Variants in ZDHHC14 observed in about 807,000 individuals in gnomAD.
The protein encoded by ZDHHC14 is zDHHC palmitoyltransferase 14, also known as palmitoyltransferase ZDHHC14.
ZDHHC14 carries 16 observed loss-of-function variants against 47.7 expected under a neutral mutation model. The observed-to-expected ratio is 0.34, with a 90% CI of 0.23 to 0.51. ZDHHC14 has a LOEUF of 0.51. Ranked by LOEUF, ZDHHC14 falls within the 20% of genes least tolerant of loss-of-function variation. The probability of loss-of-function intolerance (pLI) is 0.97; values close to 1 mark genes in which losing one functional copy is unlikely to be tolerated. For missense variants in ZDHHC14, 515 were observed against 662.5 expected, an observed-to-expected ratio of 0.78 and a Z score of 2.44; for synonymous variants, 293 against 278.9, an observed-to-expected ratio of 1.05 and a Z score of -0.50.
rs1227488590 is a variant in ZDHHC14 at position 157,677,256 on chromosome 6, A to AC, written c.*4134_*4135insC. 14 of 151,746 alleles carry AC rather than the reference A, an allele frequency of 9.2e-5. No homozygotes were observed. The highest frequency in any genetic ancestry group is 2.9e-4 in the African/African-American group (12 of 41,332). 9.4% of individuals were successfully genotyped at this position (151,746 alleles called of 1,614,324 possible). On this transcript the variant is annotated 3_prime_UTR_variant, in exon 9 of 9. Transcript: ENST00000359775. ...TACCTCATTTAAAAAAAAAAAAAAAAAAAAACTGCCTCTCATTTGTTCCCT... is the reference window on the plus strand; with the variant it reads ...TACCTCATTTAAAAAAAAAAAAAAAACAAAAACTGCCTCTCATTTGTTCCCT...
chr6:157,410,402 G>A (rs1232478381), intron 1 of ZDHHC14, among the ~76,000 whole-genome samples: 1 of 152,180 alleles, frequency 6.6e-6, no homozygotes, highest in Non-Finnish European at 1.5e-5. Context: ...TTGTTGCAGT[G>A]CATTTTGTAT....
chr6:157,432,766 C>T (rs1778363530), intron 1 of ZDHHC14, among the ~76,000 whole-genome samples: 1 of 152,186 alleles, frequency 6.6e-6, no homozygotes. Context: ...ACCACTGACA[C>T]GAGCCACCTG....
intron 2 of ZDHHC14, among the ~76,000 whole-genome samples, chr6:157,584,784 T>G (rs735755): frequency 0.28 from 41,946 of 152,080 alleles, 6,707 homozygotes; most frequent in African/African-American, 0.41. Context: ...TAACACTAGA[T>G]GTAAGTGCTG....
At chr6:157,672,449 C>T (rs1778838801) in intron 8 of ZDHHC14, among the ~76,000 whole-genome samples, 2 of 152,128 alleles carry the variant, frequency 1.3e-5, no homozygotes, top group South Asian at 4.2e-4. Context: ...GGAACCAAGA[C>T]CACTGGCTTC....
intron 2 of ZDHHC14, among the ~76,000 whole-genome samples, chr6:157,581,402 T>G (rs1304780673): frequency 6.6e-6 from 1 of 152,128 alleles, no homozygotes; most frequent in East Asian, 1.9e-4. Flanking sequence ...TCTCTTGTTT[T>G]GGGGTAGAGA....
chr6:157,529,191 G>T (rs1021716262), intron 1 of ZDHHC14: 3 of 154,784 alleles, frequency 1.9e-5, no homozygotes, highest in African/African-American at 7.2e-5. Context: ...CACTGACACT[G>T]CAGAAGTGGA....
intron 1 of ZDHHC14, among the ~76,000 whole-genome samples, chr6:157,458,753 A>C (rs17231874): frequency 0.22 from 34,010 of 151,800 alleles, 4,111 homozygotes; most frequent in African/African-American, 0.29. Flanking sequence ...AATCAAACAT[A>C]AACTCAATTA....
intron 2 of ZDHHC14, among the ~76,000 whole-genome samples, chr6:157,552,453 T>C (rs1241919440): frequency 2.6e-5 from 4 of 152,060 alleles, no homozygotes; most frequent in Admixed American, 2.0e-4. Context: ...AAAACCCCCC[T>C]GGAGGATGTT....
intron 1 of ZDHHC14, among the ~76,000 whole-genome samples, chr6:157,413,040 G>C (rs577259798): frequency 6.6e-6 from 1 of 152,336 alleles, no homozygotes; most frequent in African/African-American, 2.4e-5. Flanking sequence ...AGATTGAAGG[G>C]AGACTTCAGG....
chr6:157,567,399 C>T (rs956783409), intron 2 of ZDHHC14, among the ~76,000 whole-genome samples: 1 of 152,196 alleles, frequency 6.6e-6, no homozygotes, highest in African/African-American at 2.4e-5. Flanking sequence ...CCCCATTCCT[C>T]ACTCTAAGCA....
chr6:157,423,191 A>G (rs543788351), intron 1 of ZDHHC14, among the ~76,000 whole-genome samples: 3 of 152,280 alleles, frequency 2.0e-5, no homozygotes, highest in South Asian at 4.1e-4. Context: ...CTGACTTTTC[A>G]TGTGACTTTA....
intron 1 of ZDHHC14, among the ~76,000 whole-genome samples, chr6:157,393,197 G>A (rs901008244): frequency 8.5e-5 from 13 of 152,128 alleles, no homozygotes; most frequent in Admixed American, 6.5e-5. Flanking sequence ...AACAACTTAA[G>A]CACACTTTAG....
rs1360536642 is a variant in ZDHHC14 at position 157,619,712 on chromosome 6, TTG to T, written c.566-8635_566-8634del. ...CACTGAAATGTTTTAGTTTTAGGGT[TTG>T]TTTTTTTTTTTTAACAAATGGAGCT... On this transcript the variant is annotated intron_variant, in intron 3 of 8. Coordinates refer to ENST00000359775, the MANE Select transcript of ZDHHC14 (RefSeq NM_024630.3). Among the ~76,000 whole-genome samples the T allele has an allele frequency of 1.3e-3, 169 of 130,000 alleles. 2 individuals are homozygous for T. Among genetic ancestry groups the T allele is most frequent in the Admixed American group, 2.6e-3 (35 of 13,248 alleles). 85.3% of individuals were successfully genotyped at this position (130,000 alleles called of 152,430 possible). A position where few individuals can be genotyped will look rare whatever the true frequency, so the allele number is the denominator to read the frequency against.
chr6:157,574,873 C>G (rs561771892), intron 2 of ZDHHC14, among the ~76,000 whole-genome samples: 159 of 152,276 alleles, frequency 1.0e-3, no homozygotes, highest in Non-Finnish European at 1.8e-3. Context: ...AATTGCCTAC[C>G]TGATCACTTT....
At chr6:157,588,217 C>T (rs141244449) in intron 2 of ZDHHC14, among the ~76,000 whole-genome samples, 9,248 of 152,034 alleles carry the variant, frequency 0.061, 413 homozygotes, top group African/African-American at 0.12. Flanking sequence ...GCCAAGATCA[C>T]GCCACTGCAC....
intron 1 of ZDHHC14, among the ~76,000 whole-genome samples, chr6:157,474,616 G>A (rs1258644079): frequency 6.6e-6 from 1 of 152,192 alleles, no homozygotes; most frequent in Non-Finnish European, 1.5e-5. Context: ...TAACAAGTGT[G>A]AGGTGATATC....
At chr6:157,598,042 C>T (rs1435478684) in intron 3 of ZDHHC14, among the ~76,000 whole-genome samples, 1 of 152,244 alleles carries the variant, frequency 6.6e-6, no homozygotes, top group Non-Finnish European at 1.5e-5. Flanking sequence ...ACTCTGCCTT[C>T]TGTCCCACAG....
intron 8 of ZDHHC14, among the ~76,000 whole-genome samples, chr6:157,654,789 G>C (rs148524793): frequency 0.014 from 2,059 of 151,272 alleles, 26 homozygotes; most frequent in African/African-American, 0.025. Context: ...AGGCTGGAGT[G>C]CAGTGGCATG....
intron 3 of ZDHHC14, among the ~76,000 whole-genome samples, chr6:157,599,980 G>A (rs868346419): frequency 6.6e-6 from 1 of 152,140 alleles, no homozygotes; most frequent in Non-Finnish European, 1.5e-5. Context: ...AGGAAAATGG[G>A]CCAAGGAGTG....
Sources: allele counts gnomAD v4.1 joint callset (sites outside exome capture counted in the v4.1 genomes callset), GRCh38; gene constraint gnomAD v4.1.1; transcripts MANE v1.5; gene names NCBI Gene and HGNC (gene_info 2026-07-23, HGNC 2026-07-21).